Variants in CPPED1 observed in about 807,000 individuals in gnomAD.
The protein encoded by CPPED1 is calcineurin like phosphoesterase domain containing 1.
In CPPED1, 28 loss-of-function variants were observed where a neutral mutation model predicts 28.0. That is an observed-to-expected ratio of 1.00 (90% CI 0.74 to 1.37). The LOEUF (loss-of-function observed/expected upper bound fraction) is 1.37, where lower values mean the gene tolerates loss of function less well. CPPED1 is among the 40% of genes most tolerant of loss of function. CPPED1 has a pLI of 0.00. For missense variants in CPPED1, 504 were observed against 416.5 expected (o/e 1.21, Z -1.83); for synonymous variants, 198 against 180.2 (o/e 1.10, Z -0.79).
At chr16:12,802,490 A>G (rs2080666592) in intron 1 of CPPED1, among the ~76,000 whole-genome samples, 1 of 152,004 alleles carries the variant, frequency 6.6e-6, no homozygotes, top group South Asian at 2.1e-4. Flanking sequence ...AGTTCCAGCT[A>G]CTCCAGAGGC....
chr16:12,675,703 T>G (rs1320508124), intron 3 of CPPED1, among the ~76,000 whole-genome samples: 1 of 152,246 alleles, frequency 6.6e-6, no homozygotes, highest in East Asian at 1.9e-4. Flanking sequence ...TTATCCTGCA[T>G]GAGACTATAT....
chr16:12,702,338 C>T (rs1056678900), intron 3 of CPPED1, among the ~76,000 whole-genome samples: 1 of 151,952 alleles, frequency 6.6e-6, no homozygotes, highest in Non-Finnish European at 1.5e-5. Flanking sequence ...GAGTTAAAGC[C>T]CAGTGAGGTG....
chr16:12,778,353 G>A (rs2080510488), intron 2 of CPPED1, among the ~76,000 whole-genome samples: 1 of 135,538 alleles, frequency 7.4e-6, no homozygotes, highest in African/African-American at 2.8e-5. Context: ...CTTGCTCATT[G>A]CAACCTCCAC....
In CPPED1 at chr16:12,767,029, G is replaced by C. The variant is rs8047070; in HGVS notation, c.289+14156C>G. ...TTTTTTTTTTTGAGTCATGGAGCCT[G>C]TATCAGTCATGTGCTCCAGGGAACC... is the stretch of plus-strand genomic sequence containing the variant. On this transcript the variant is annotated intron_variant, in intron 2 of 3. Transcript: ENST00000381774. Among the ~76,000 whole-genome samples, 786 of 151,806 alleles carry C rather than the reference G, an allele frequency of 5.2e-3. 10 individuals carry two copies. The highest frequency in any genetic ancestry group is 0.018 in the African/African-American group (727 of 41,348).
rs544010656 is a variant in CPPED1, at chr16:12,709,903, G to A, written c.290-4854C>T. Reference sequence around the variant, plus strand: ...GAAGGAAGGGAAGGAAGGGAAAGACGGGGGGAAGGAAGGGAAGGAAGGGAA... The same window carrying A: ...GAAGGAAGGGAAGGAAGGGAAAGACAGGGGGAAGGAAGGGAAGGAAGGGAA... On this transcript the variant is annotated intron_variant, in intron 2 of 3. Transcript: ENST00000381774. The surrounding 1 kb of genome is among the most constrained non-coding windows in gnomAD (Gnocchi z 4.4). Among the ~76,000 whole-genome samples, 6 of 111,306 alleles carry A rather than the reference G, an allele frequency of 5.4e-5. No individual in the cohort carries two copies. The highest frequency in any genetic ancestry group is 2.4e-4 in the East Asian group (1 of 4,144). The allele number at this position is 111,306 out of a possible 152,430, so 73.0% of individuals were successfully genotyped here.
intron 2 of CPPED1, among the ~76,000 whole-genome samples, chr16:12,726,106 A>G (rs1009441176): frequency 7.2e-5 from 11 of 151,850 alleles, no homozygotes; most frequent in African/African-American, 2.4e-4. Context: ...CAATGGCACA[A>G]TCTTGGCTTA....
chr16:12,702,255 G>A (rs370975576), intron 3 of CPPED1, among the ~76,000 whole-genome samples: 2 of 151,938 alleles, frequency 1.3e-5, no homozygotes, highest in Non-Finnish European at 2.9e-5. Context: ...TCTCCCAAGG[G>A]TGCCCTGTTA....
intron 2 of CPPED1, among the ~76,000 whole-genome samples, chr16:12,746,677 A>T (rs1446601454): frequency 6.6e-6 from 1 of 152,212 alleles, no homozygotes; most frequent in Non-Finnish European, 1.5e-5. Flanking sequence ...AAGAAAAAAA[A>T]TCACGACAGC....
At chr16:12,679,859 T>C (rs916145746) in intron 3 of CPPED1, among the ~76,000 whole-genome samples, 67 of 152,214 alleles carry the variant, frequency 4.4e-4, no homozygotes, top group Non-Finnish European at 9.4e-4. Flanking sequence ...TAAGGAGATG[T>C]CTTTCTAAAA....
intron 1 of CPPED1, among the ~76,000 whole-genome samples, chr16:12,800,175 G>A (rs1216840753): frequency 1.3e-5 from 2 of 152,096 alleles, no homozygotes; most frequent in Non-Finnish European, 2.9e-5. Context: ...GGCCAAGTGC[G>A]GTGGCTCATG....
chr16:12,665,562 T>C (rs2079821035), intron 3 of CPPED1, among the ~76,000 whole-genome samples: 1 of 151,984 alleles, frequency 6.6e-6, no homozygotes, highest in Non-Finnish European at 1.5e-5. Flanking sequence ...GAGGCCAAGA[T>C]GGGTGGATCA....
intron 2 of CPPED1, among the ~76,000 whole-genome samples, chr16:12,744,297 A>AAAGC (rs1167597052): frequency 0.035 from 4,560 of 130,192 alleles, 104 homozygotes; most frequent in Non-Finnish European, 0.05. Context: ...AGAGAGAGAG[A>AAAGC]AAGCAAGCAA....
intron 3 of CPPED1, among the ~76,000 whole-genome samples, chr16:12,688,469 G>T (rs2079945031): frequency 6.6e-6 from 1 of 151,774 alleles, no homozygotes; most frequent in Admixed American, 6.6e-5. Context: ...TTCCCGAGTA[G>T]CTGAGATTAC....
chr16:12,801,560 G>A (rs1340247906), intron 1 of CPPED1, among the ~76,000 whole-genome samples: 1 of 152,032 alleles, frequency 6.6e-6, no homozygotes, highest in Non-Finnish European at 1.5e-5. Context: ...ATCTAGTAAT[G>A]CTGGGGATGA....
At chr16:12,737,833 T>TTC (rs913034025) in intron 2 of CPPED1, among the ~76,000 whole-genome samples, 1 of 152,110 alleles carries the variant, frequency 6.6e-6, no homozygotes, top group South Asian at 2.1e-4. Context: ...TTGAGCAATT[T>TTC]TCTCTCTCTC....
rs575062680 is a variant in CPPED1 at position 12,735,032 on chromosome 16, G to A, written c.290-29983C>T. ...GCAATAGGGTGAACCCCACCAACAG[G>A]CAGAGAAGCAGCCGGGAGTACTATC... On this transcript the variant is annotated intron_variant, in intron 2 of 3. Coordinates refer to ENST00000381774, the MANE Select transcript of CPPED1 (RefSeq NM_018340.3). 4.6e-5 allele frequency among the ~76,000 whole-genome samples: 7 copies of A among 152,232 alleles called. No homozygotes were observed. The South Asian group carries it at 1.5e-3, about 32-fold the overall frequency.
At chr16:12,683,793 A>C (rs1329682136) in intron 3 of CPPED1, among the ~76,000 whole-genome samples, 7 of 152,224 alleles carry the variant, frequency 4.6e-5, no homozygotes, top group Non-Finnish European at 1.0e-4. Context: ...ATGGTGGCTT[A>C]AAAAAGTAAA....
intron 3 of CPPED1, among the ~76,000 whole-genome samples, chr16:12,690,163 G>A (rs890599738): frequency 3.9e-5 from 6 of 152,064 alleles, no homozygotes; most frequent in African/African-American, 1.4e-4. Context: ...AACTGGTGAG[G>A]GGCTGGCCAG....
rs190500402 is a variant in CPPED1, at chr16:12,662,497, G to A, written c.*2389C>T. 15 of 152,318 alleles carry A rather than the reference G, an allele frequency of 9.8e-5. No individual in the cohort carries two copies. The highest frequency in any genetic ancestry group is 3.6e-4 in the African/African-American group (15 of 41,580). 9.4% of individuals were successfully genotyped at this position (152,318 alleles called of 1,614,324 possible). A position where few individuals can be genotyped will look rare whatever the true frequency, so the allele number is the denominator to read the frequency against. Reference sequence around the variant, plus strand: ...TTCCTGCAACCAACACCAGAAAAGTGTACACTGTACCCATCAGGTACTTTC... The same window carrying A: ...TTCCTGCAACCAACACCAGAAAAGTATACACTGTACCCATCAGGTACTTTC... On this transcript the variant is annotated 3_prime_UTR_variant, in exon 4 of 4. Transcript: ENST00000381774.
Sources: gnomAD v4.1 joint callset for allele counts (sites outside exome capture counted in the v4.1 genomes callset) on GRCh38, gnomAD v4.1.1 for gene constraint, Gnocchi (gnomAD v3.1) non-coding constraint, MANE v1.5 for transcripts, NCBI Gene and HGNC (gene_info 2026-07-23, HGNC 2026-07-21) for gene names.